Variants in FHIT observed in about 807,000 individuals in gnomAD.
FHIT encodes the protein bis(5'-adenosyl)-triphosphatase.
FHIT carries 19 observed loss-of-function variants against 17.9 expected under a neutral mutation model. That is an observed-to-expected ratio of 1.06 (90% CI 0.74 to 1.56). FHIT has a LOEUF of 1.56. Ranked by LOEUF, FHIT falls within the 40% of genes most tolerant of loss-of-function variation. FHIT has a pLI of 0.00. For missense variants in FHIT, 248 were observed against 189.2 expected (o/e 1.31, Z -1.82); for synonymous variants, 81 against 69.7 (o/e 1.16, Z -0.81).
chr3:60,794,085 C>T (rs149747309), intron 4 of FHIT, among the ~76,000 whole-genome samples: 20 of 151,752 alleles, frequency 1.3e-4, no homozygotes, highest in African/African-American at 4.1e-4. Context: ...CTCTCACCCC[C>T]ACCTTCCACT....
intron 2 of FHIT, among the ~76,000 whole-genome samples, chr3:61,044,793 A>ATCT (rs2033702935): frequency 6.6e-6 from 1 of 152,206 alleles, no homozygotes; most frequent in Non-Finnish European, 1.5e-5. Context: ...CTCAGCAGAA[A>ATCT]CTCTAGAAGC....
chr3:60,067,343 TG>T (rs1702560846), intron 5 of FHIT, among the ~76,000 whole-genome samples: 1 of 151,990 alleles, frequency 6.6e-6, no homozygotes, highest in African/African-American at 2.4e-5. Flanking sequence ...AATGAATGAA[TG>T]AATGAATGAA....
chr3:60,145,636 C>A (rs1446829875), intron 5 of FHIT, among the ~76,000 whole-genome samples: 1 of 152,094 alleles, frequency 6.6e-6, no homozygotes, highest in Non-Finnish European at 1.5e-5. Flanking sequence ...TGCAAAGTAA[C>A]AAAATAGATG....
chr3:59,931,224 T>G lies in FHIT; in HGVS notation c.280-8810A>C, dbSNP rs570407324. On this transcript the variant is annotated intron_variant, in intron 7 of 9. Transcript: ENST00000492590. ...TGCTTCTGTTCTAAACCAGAAGGCT[T>G]AATTCTACGGTGAGCCTTGCTGAAT... 2.6e-5 allele frequency among the ~76,000 whole-genome samples: 4 copies of G among 152,334 alleles called. No homozygotes were observed. The East Asian group carries it at 7.7e-4, about 29-fold the overall frequency.
At chr3:60,883,001 A>T (rs901126231) in intron 3 of FHIT, among the ~76,000 whole-genome samples, 14 of 152,210 alleles carry the variant, frequency 9.2e-5, no homozygotes. Flanking sequence ...AGAATGAGAC[A>T]ACAAAATCAG....
At chr3:60,381,928 A>G (rs1700815825) in intron 5 of FHIT, among the ~76,000 whole-genome samples, 1 of 152,080 alleles carries the variant, frequency 6.6e-6, no homozygotes, top group Non-Finnish European at 1.5e-5. Flanking sequence ...GTGCTGTCCA[A>G]TATGGTAGGT....
intron 5 of FHIT, among the ~76,000 whole-genome samples, chr3:60,280,880 G>A (rs1707396132): frequency 6.7e-6 from 1 of 149,004 alleles, no homozygotes; most frequent in Non-Finnish European, 1.5e-5. Flanking sequence ...TAACGATTGG[G>A]AAGAAGAAAA....
intron 5 of FHIT, among the ~76,000 whole-genome samples, chr3:60,338,173 A>G (rs1710334912): frequency 6.6e-6 from 1 of 152,204 alleles, no homozygotes; most frequent in Non-Finnish European, 1.5e-5. Flanking sequence ...AAGATTAATC[A>G]GAAGAAATTG....
intron 3 of FHIT, among the ~76,000 whole-genome samples, chr3:60,955,751 G>C (rs1227392824): frequency 1.3e-5 from 2 of 151,632 alleles, no homozygotes; most frequent in Non-Finnish European, 2.9e-5. Context: ...AATGGTTACT[G>C]TTGGAAACAA....
At chr3:60,977,519 A>G (rs562847769) in intron 3 of FHIT, among the ~76,000 whole-genome samples, 1 of 152,330 alleles carries the variant, frequency 6.6e-6, no homozygotes, top group Non-Finnish European at 1.5e-5. Flanking sequence ...ACAATTGCAG[A>G]TGCTGTAATA....
At chr3:60,517,593 T>C (rs564736607) in intron 5 of FHIT, among the ~76,000 whole-genome samples, 4 of 152,358 alleles carry the variant, frequency 2.6e-5, no homozygotes, top group African/African-American at 7.2e-5. Context: ...ATATGGCTTA[T>C]CATTTTTAAG....
chr3:59,826,451 A>T (rs1700982084), intron 8 of FHIT, among the ~76,000 whole-genome samples: 1 of 152,172 alleles, frequency 6.6e-6, no homozygotes. Context: ...CTATGTTTAC[A>T]GTTTGTTTAT....
intron 4 of FHIT, among the ~76,000 whole-genome samples, chr3:60,814,880 T>C (rs990149625): frequency 6.6e-6 from 1 of 151,800 alleles, no homozygotes; most frequent in African/African-American, 2.4e-5. Flanking sequence ...GGTTTTTTTT[T>C]GTTTGTTTAG....
intron 2 of FHIT, among the ~76,000 whole-genome samples, chr3:61,120,631 C>T (rs2036429729): frequency 6.6e-6 from 1 of 152,046 alleles, no homozygotes; most frequent in African/African-American, 2.4e-5. Flanking sequence ...AAGCTTCAGT[C>T]TTCAAAGGTG....
intron 8 of FHIT, among the ~76,000 whole-genome samples, chr3:59,801,049 C>A (rs762175563): frequency 3.3e-5 from 5 of 152,058 alleles, no homozygotes; most frequent in Non-Finnish European, 5.9e-5. Context: ...CCAACTTGAA[C>A]ATTAGACTTT....
intron 7 of FHIT, among the ~76,000 whole-genome samples, chr3:60,005,589 A>G (rs9815786): frequency 0.011 from 1,710 of 152,302 alleles, 45 homozygotes; most frequent in African/African-American, 0.039. Flanking sequence ...TCTTTGGTTT[A>G]CCAACCCAGT....
At chr3:61,016,048 T>C (rs1322886508) in intron 3 of FHIT, among the ~76,000 whole-genome samples, 1 of 152,240 alleles carries the variant, frequency 6.6e-6, no homozygotes, top group Non-Finnish European at 1.5e-5. Context: ...TCTGTGAACA[T>C]CTGTGCCATG....
chr3:59,926,491 A>T (rs529472113), intron 7 of FHIT, among the ~76,000 whole-genome samples: 2 of 152,320 alleles, frequency 1.3e-5, no homozygotes, highest in South Asian at 4.1e-4. Context: ...AGAAAAACAT[A>T]ACGGTATAAG....
At chr3:59,987,195 A>C (rs2107460540) in intron 7 of FHIT, among the ~76,000 whole-genome samples, 1 of 145,766 alleles carries the variant, frequency 6.9e-6, no homozygotes, top group Non-Finnish European at 1.5e-5. Flanking sequence ...TCTATAGGAA[A>C]TCCTATATAT....
Sources: gnomAD v4.1 joint callset for allele counts (sites outside exome capture counted in the v4.1 genomes callset) on GRCh38, gnomAD v4.1.1 for gene constraint, MANE v1.5 for transcripts, NCBI Gene and HGNC (gene_info 2026-07-23, HGNC 2026-07-21) for gene names.